ANKRD11: variants seen among roughly 807,000 people sequenced by gnomAD.
ANKRD11 encodes the protein ankyrin repeat domain-containing protein 11.
Under a neutral mutation model 195.7 loss-of-function variants are expected in ANKRD11, and 17 were observed. The observed-to-expected ratio is 0.09, with a 90% CI of 0.06 to 0.13. The LOEUF (loss-of-function observed/expected upper bound fraction) is 0.13, where lower values mean the gene tolerates loss of function less well. Ranked by LOEUF, ANKRD11 falls within the 10% of genes least tolerant of loss-of-function variation. The pLI is 1.00. For synonymous variants in ANKRD11, 1,953 were observed against 1,528.1 expected (o/e 1.28, Z -6.49); for missense variants, 3,735 against 3,566.1 (o/e 1.05, Z -1.21).
At chr16:89,355,528 T>C (rs2039431539) in intron 2 of ANKRD11, among the ~76,000 whole-genome samples, 1 of 152,190 alleles carries the variant, frequency 6.6e-6, no homozygotes, top group Admixed American at 6.5e-5. Context: ...GTCCGGCACA[T>C]GCTCTGCTCT....
Position 89,289,146 on chromosome 16 carries a change from A to C in ANKRD11, c.602-476T>G, listed in dbSNP as rs532132327. On this transcript the variant is annotated intron_variant, in intron 6 of 12. Coordinates refer to ENST00000301030, the MANE Select transcript of ANKRD11 (RefSeq NM_013275.6). ...AGGCTCGGGCTGCACGACGAAGGCC[A>C]CCCCGGGCAGGCAGCTCCTGGCTGG... Among the ~76,000 whole-genome samples the C allele has an allele frequency of 1.6e-3, 237 of 152,184 alleles. 1 individual carries two copies. The highest frequency in any genetic ancestry group is 5.6e-3 in the African/African-American group (231 of 41,518).
At position 89,317,044 on chromosome 16, in the gene ANKRD11, A is replaced by G. The variant is rs2037002235; in HGVS notation, c.-25T>C. The G allele has an allele frequency of 6.2e-7, 1 of 1,608,410 alleles. No individual in the cohort carries two copies. Among genetic ancestry groups the G allele is most frequent in the Non-Finnish European group, 8.5e-7 (1 of 1,177,384 alleles). On this transcript the variant is annotated 5_prime_UTR_variant, in exon 3 of 13. An upstream start codon of the reference 5' UTR is lost. Transcript: ENST00000301030. The stretch of plus-strand genomic sequence containing the variant: ...TCGTCCTGCTCCTCACCCGATCTTC[A>G]TTTACACGGCCGGCGCTTCATCATC...
intron 2 of ANKRD11, among the ~76,000 whole-genome samples, chr16:89,321,544 A>G (rs1597627436): frequency 6.6e-6 from 1 of 152,148 alleles, no homozygotes; most frequent in African/African-American, 2.4e-5. Context: ...AGGCCTTGGC[A>G]TCACCAGGGA....
chr16:89,382,226 C>A (rs2040689446), intron 2 of ANKRD11, among the ~76,000 whole-genome samples: 1 of 152,122 alleles, frequency 6.6e-6, no homozygotes, highest in Non-Finnish European at 1.5e-5. Context: ...CTGACCAGGG[C>A]AGGAGTGACC....
At chr16:89,398,184 T>A (rs370859981) in intron 2 of ANKRD11, among the ~76,000 whole-genome samples, 22 of 149,480 alleles carry the variant, frequency 1.5e-4, no homozygotes, top group East Asian at 2.0e-4. Flanking sequence ...GAGGCTGACA[T>A]GAGGGACACT....
At chr16:89,414,840 C>A (rs923726593) in intron 2 of ANKRD11, among the ~76,000 whole-genome samples, 1 of 152,214 alleles carries the variant, frequency 6.6e-6, no homozygotes, top group South Asian at 2.1e-4. Context: ...GAAGAAGCGA[C>A]TGTGGATCTC....
intron 2 of ANKRD11, among the ~76,000 whole-genome samples, chr16:89,379,763 G>C (rs2040567262): frequency 6.6e-6 from 1 of 152,244 alleles, no homozygotes; most frequent in South Asian, 2.1e-4. Flanking sequence ...AAAGAACTTG[G>C]ACTGAGTACA....
chr16:89,398,920 G>T (rs968274130), intron 2 of ANKRD11, among the ~76,000 whole-genome samples: 19 of 152,072 alleles, frequency 1.2e-4, no homozygotes, highest in Non-Finnish European at 2.6e-4. Context: ...AGGATCCTGG[G>T]GCAGTCTCTG....
In ANKRD11 at chr16:89,282,765, C is replaced by T. The variant is rs1301172082; in HGVS notation, c.3777G>A (p.Lys1259=). The T allele has an allele frequency of 6.2e-7, 1 of 1,613,082 alleles. No homozygotes were observed. The highest frequency in any genetic ancestry group is 1.1e-5 in the South Asian group (1 of 91,078). Residue 1259 remains lysine (K), a synonymous_variant, in exon 9 of 13, where the codon AAG becomes AAA. Coordinates refer to ENST00000301030, the MANE Select transcript of ANKRD11 (RefSeq NM_013275.6). ...EDKAKSKHKE[K]SDKEHSKERK... is the part of the protein sequence containing the mutation. ...TCTCCTTGGAATGTTCTTTGTCCGA[C>T]TTCTCTTTGTGTTTGCTTTTAGCCT...
chr16:89,274,646 T>G, intron 11 of ANKRD11, 168 bp downstream of exon 11: 7 of 1,053,278 alleles, frequency 6.6e-6, no homozygotes, highest in Non-Finnish European at 9.9e-6. Flanking sequence ...CTTGGCTCCT[T>G]TCTGAGGCTC....
At chr16:89,359,036 T>C (rs566390211) in intron 2 of ANKRD11, among the ~76,000 whole-genome samples, 2 of 152,262 alleles carry the variant, frequency 1.3e-5, no homozygotes, top group East Asian at 3.9e-4. Flanking sequence ...TTCTTATATA[T>C]GTCTAAATCG....
At position 89,281,421 on chromosome 16, in the gene ANKRD11, C is replaced by T. The variant is rs768334377; in HGVS notation, c.5121G>A (p.Thr1707=). 6.2e-6 allele frequency: 10 copies of T among 1,612,062 alleles called. No homozygotes were observed. Among genetic ancestry groups the T allele is most frequent in the South Asian group, 2.2e-5 (2 of 90,994 alleles). Residue 1707 remains threonine, a synonymous_variant, in exon 9 of 13, where the codon ACG becomes ACA. Coordinates refer to ENST00000301030, the MANE Select transcript of ANKRD11 (RefSeq NM_013275.6). This position sits in a 1 kb window ranked among gnomAD's most constrained non-coding sequence, Gnocchi z 5.5. ...CGTAGCTGGGGCAGGATAGCACCGA[C>T]GTAGGGGTGGGCACGCCAGTGGGCC... ...QSRPTGVPTP[T]SVLSCPSYEE...
chr16:89,415,261 CTTTTTTTTT>C (rs34004237), intron 2 of ANKRD11, among the ~76,000 whole-genome samples: 1 of 84,532 alleles, frequency 1.2e-5, no homozygotes, highest in East Asian at 3.5e-4. Context: ...GCCAGCTATT[CTTTTTTTTT>C]TTTTTTTTTT....
At chr16:89,481,644 T>A (rs1294397735) in intron 1 of ANKRD11, among the ~76,000 whole-genome samples, 2 of 152,228 alleles carry the variant, frequency 1.3e-5, no homozygotes, top group Non-Finnish European at 2.9e-5. Context: ...ACACATCATC[T>A]TCTGCCTCAA....
Position 89,281,639 on chromosome 16 carries a change from G to C in ANKRD11, c.4903C>G (p.Leu1635Val). Residue 1635 changes from leucine to valine, a missense_variant, in exon 9 of 13, where the codon CTG becomes GTG. Physicochemically the swap from Leu to Val is conservative, Grantham distance 32. Coordinates refer to ENST00000301030, the MANE Select transcript of ANKRD11 (RefSeq NM_013275.6). The surrounding 1 kb of genome is among the most constrained non-coding windows in gnomAD (Gnocchi z 5.5). ...KPADDGRKKG[L>V]DIPAKKPPGL... The stretch of plus-strand genomic sequence containing the variant: ...GGCGGTTTCTTAGCAGGAATGTCCA[G>C]ACCCTTCTTCCGCCCGTCGTCTGCC... 2 of 1,614,198 alleles carry C rather than the reference G, an allele frequency of 1.2e-6. No individual in the cohort carries two copies. Among genetic ancestry groups the C allele is most frequent in the South Asian group, 2.2e-5 (2 of 91,088 alleles).
At chr16:89,454,125 G>A (rs1326418512) in intron 1 of ANKRD11, among the ~76,000 whole-genome samples, 3 of 152,060 alleles carry the variant, frequency 2.0e-5, no homozygotes, top group South Asian at 4.1e-4. Flanking sequence ...ACACCCCCTG[G>A]CACACCACAG....
intron 1 of ANKRD11, among the ~76,000 whole-genome samples, chr16:89,456,405 G>A (rs905186097): frequency 2.7e-4 from 41 of 150,988 alleles, no homozygotes; most frequent in South Asian, 6.3e-4. Flanking sequence ...AAAATTAGCC[G>A]AGCGTGGTGG....
chr16:89,424,601 A>G (rs1042416758), intron 1 of ANKRD11, among the ~76,000 whole-genome samples: 2 of 152,182 alleles, frequency 1.3e-5, no homozygotes, highest in African/African-American at 4.8e-5. Flanking sequence ...AACAAAACAG[A>G]GCGAACATTA....
At chr16:89,384,653 T>A (rs999145804) in intron 2 of ANKRD11, among the ~76,000 whole-genome samples, 3 of 152,066 alleles carry the variant, frequency 2.0e-5, no homozygotes, top group Non-Finnish European at 4.4e-5. Flanking sequence ...ACTGACGGCT[T>A]CAAAGGAGCT....
Sources: gnomAD v4.1 joint callset for allele counts (sites outside exome capture counted in the v4.1 genomes callset) on GRCh38, gnomAD v4.1.1 for gene constraint, Gnocchi (gnomAD v3.1) non-coding constraint, MANE v1.5 for transcripts, NCBI Gene and HGNC (gene_info 2026-07-23, HGNC 2026-07-21) for gene names.